ESRRG: variants seen among roughly 807,000 people sequenced by gnomAD.
ESRRG encodes the protein estrogen-related receptor gamma.
A neutral mutation model predicts 44.0 loss-of-function variants in ESRRG; 13 were observed. That is an observed-to-expected ratio of 0.30 (90% CI 0.19 to 0.47). ESRRG has a LOEUF of 0.47. Among genes scored for constraint, ESRRG ranks in the 20% least tolerant of loss-of-function variants. The probability of loss-of-function intolerance (pLI) is 1.00; values close to 1 mark genes in which losing one functional copy is unlikely to be tolerated. For missense variants in ESRRG, 395 were observed against 580.6 expected, an observed-to-expected ratio of 0.68 and a Z score of 3.29; for synonymous variants, 215 against 214.6, an observed-to-expected ratio of 1.00 and a Z score of -0.02.
chr1:216,697,022 G>A (rs771780911), intron 1 of ESRRG, among the ~76,000 whole-genome samples: 3 of 151,528 alleles, frequency 2.0e-5, no homozygotes, highest in Non-Finnish European at 4.4e-5. Flanking sequence ...CCAGAGTGCA[G>A]TGGCATGATC....
intron 3 of ESRRG, among the ~76,000 whole-genome samples, chr1:216,576,937 A>G (rs2061788224): frequency 6.6e-6 from 1 of 151,996 alleles, no homozygotes; most frequent in Non-Finnish European, 1.5e-5. Flanking sequence ...ACAATACCCA[A>G]TATCTCATTA....
At chr1:217,005,174 T>C (rs1560443208) in intron 1 of ESRRG, among the ~76,000 whole-genome samples, 1 of 152,140 alleles carries the variant, frequency 6.6e-6, no homozygotes, top group Non-Finnish European at 1.5e-5. Flanking sequence ...TTCATTAGAC[T>C]TTTTTAAATA....
At chr1:217,101,155 T>G (rs1018468930) in intron 1 of ESRRG, among the ~76,000 whole-genome samples, 1 of 152,170 alleles carries the variant, frequency 6.6e-6, no homozygotes, top group African/African-American at 2.4e-5. Flanking sequence ...GACTTCAACT[T>G]TTTCTTTGGA....
chr1:217,101,317 C>T (rs1490873243), intron 1 of ESRRG, among the ~76,000 whole-genome samples: 1 of 152,138 alleles, frequency 6.6e-6, no homozygotes, highest in African/African-American at 2.4e-5. Context: ...GCTAATACCT[C>T]CTAGGGATGC....
At chr1:216,695,965 C>T (rs1224421575) in intron 1 of ESRRG, among the ~76,000 whole-genome samples, 1 of 152,198 alleles carries the variant, frequency 6.6e-6, no homozygotes, top group East Asian at 1.9e-4. Flanking sequence ...AGTGTATTTA[C>T]ACCAACCTAG....
intron 5 of ESRRG, among the ~76,000 whole-genome samples, chr1:216,525,185 G>GGTTTT (rs143274236): frequency 1.3e-5 from 2 of 152,176 alleles, no homozygotes; most frequent in African/African-American, 2.4e-5. Context: ...GATGACAAGA[G>GGTTTT]GTTTTGTTTT....
At chr1:216,539,175 GA>G (rs1225620830) in intron 5 of ESRRG, among the ~76,000 whole-genome samples, 1 of 148,794 alleles carries the variant, frequency 6.7e-6, no homozygotes, top group Non-Finnish European at 1.5e-5. Context: ...TATAAGGAAG[GA>G]AAAAGTCAAC....
intron 1 of ESRRG, among the ~76,000 whole-genome samples, chr1:216,953,689 G>T (rs1449741354): frequency 2.0e-5 from 3 of 152,038 alleles, no homozygotes; most frequent in African/African-American, 7.2e-5. Flanking sequence ...ACATAATAGT[G>T]TTATCTCTGA....
intron 6 of ESRRG, among the ~76,000 whole-genome samples, chr1:216,511,166 A>G (rs1432685977): frequency 6.6e-6 from 1 of 152,204 alleles, no homozygotes; most frequent in East Asian, 1.9e-4. Context: ...GATGGGTAGT[A>G]AGGAAAGGGT....
At chr1:216,898,557 G>A (rs1472007494) in intron 2 of ESRRG, among the ~76,000 whole-genome samples, 9 of 152,192 alleles carry the variant, frequency 5.9e-5, no homozygotes, top group Admixed American at 5.9e-4. Flanking sequence ...GGCAGAGGCA[G>A]CAGTGAGCCG....
chr1:216,919,440 C>T lies in ESRRG; in HGVS notation c.-14+20142G>A, dbSNP rs11572514. ...GGCTTTGGTGAGGAGACCAATCATA[C>T]AGCTAGAACACTCAGGCTTGGGCTG... is the stretch of plus-strand genomic sequence containing the variant. On this transcript the variant is annotated intron_variant, in intron 2 of 7. Coordinates refer to the ESRRG transcript ENST00000359162. Among the ~76,000 whole-genome samples, 59 of 152,306 alleles carry T rather than the reference C, an allele frequency of 3.9e-4. 1 individual carries two copies. In the South Asian group the frequency reaches 9.1e-3, roughly 24 times the overall value.
In ESRRG at chr1:216,748,252, G is replaced by A. The variant is rs776260293; in HGVS notation, c.-13-70761C>T. On this transcript the variant is annotated intron_variant, in intron 2 of 7. Coordinates refer to the ESRRG transcript ENST00000359162. ...ACTAGTTAATCCATGCTACCCAGAC[G>A]GAATGGAAATGGACATTTTGTGGCA... is the stretch of plus-strand genomic sequence containing the variant. Among the ~76,000 whole-genome samples, 5 of 152,174 alleles carry A rather than the reference G, an allele frequency of 3.3e-5. No individual in the cohort carries two copies. The South Asian group carries it at 8.3e-4, about 25-fold the overall frequency.
chr1:216,678,732 G>A (rs576568601), intron 1 of ESRRG, among the ~76,000 whole-genome samples: 1 of 152,310 alleles, frequency 6.6e-6, no homozygotes, highest in East Asian at 1.9e-4. Context: ...AGAAAGAAGA[G>A]GTGACAGTCA....
In ESRRG at chr1:217,007,969, T is replaced by C. The variant is rs181374592; in HGVS notation, c.-105-68296A>G. On this transcript the variant is annotated intron_variant, in intron 1 of 7. Transcript: ENST00000359162. Reference sequence around the variant, plus strand: ...CAAGAAGAATGATCTATCAAAGGGATCCACAGACATCAGATCTTCTGCACA... The same window carrying C: ...CAAGAAGAATGATCTATCAAAGGGACCCACAGACATCAGATCTTCTGCACA... Among the ~76,000 whole-genome samples, 231 of 152,298 alleles carry C rather than the reference T, an allele frequency of 1.5e-3. 1 individual carries two copies. The highest frequency in any genetic ancestry group is 5.1e-3 in the African/African-American group (213 of 41,560).
chr1:216,800,920 G>A (rs2094595243), intron 2 of ESRRG, among the ~76,000 whole-genome samples: 1 of 152,092 alleles, frequency 6.6e-6, no homozygotes, highest in African/African-American at 2.4e-5. Context: ...GGAATTATAA[G>A]AAACACTTCA....
chr1:216,659,569 G>T (rs2151198044), intron 2 of ESRRG, among the ~76,000 whole-genome samples: 1 of 152,232 alleles, frequency 6.6e-6, no homozygotes, highest in South Asian at 2.1e-4. Context: ...ACAGTCCCAG[G>T]TCGACTTCTA....
intron 1 of ESRRG, among the ~76,000 whole-genome samples, chr1:216,942,568 A>G (rs1044004133): frequency 3.9e-5 from 6 of 152,112 alleles, no homozygotes; most frequent in Middle Eastern, 3.2e-3. Flanking sequence ...CAACCCCACA[A>G]ACATCTGTTA....
chr1:216,815,873 G>A (rs555258308), intron 2 of ESRRG, among the ~76,000 whole-genome samples: 1 of 152,174 alleles, frequency 6.6e-6, no homozygotes, highest in South Asian at 2.1e-4. Context: ...TTCATCCAGG[G>A]GTCTATTGGC....
intron 5 of ESRRG, among the ~76,000 whole-genome samples, chr1:216,541,250 G>A (rs1003533394): frequency 2.6e-5 from 4 of 152,032 alleles, no homozygotes; most frequent in African/African-American, 9.6e-5. Context: ...TATTTTAATT[G>A]TGCTTCTTAA....
Sources: gnomAD v4.1 joint callset for allele counts (sites outside exome capture counted in the v4.1 genomes callset) on GRCh38, gnomAD v4.1.1 for gene constraint, MANE v1.5 for transcripts, NCBI Gene and HGNC (gene_info 2026-07-23, HGNC 2026-07-21) for gene names.